Variants in LIPE observed in about 807,000 individuals in gnomAD.
LIPE encodes lipase E, hormone sensitive type, also known as hormone-sensitive lipase.
A neutral mutation model predicts 88.5 loss-of-function variants in LIPE; 66 were observed. The observed-to-expected ratio is 0.75, with a 90% CI of 0.61 to 0.91. The LOEUF (loss-of-function observed/expected upper bound fraction) is 0.91, where lower values mean the gene tolerates loss of function less well. Among genes scored for constraint, LIPE ranks in the 40% least tolerant of loss-of-function variants. The probability of loss-of-function intolerance (pLI) is 0.00; values close to 1 mark genes in which losing one functional copy is unlikely to be tolerated. For missense variants in LIPE, 1,346 were observed against 1,434.7 expected, an observed-to-expected ratio of 0.94 and a Z score of 1.00; for synonymous variants, 570 against 617.5, an observed-to-expected ratio of 0.92 and a Z score of 1.14.
Position 42,407,482 on chromosome 19 carries a change from G to C in LIPE, c.1843-14C>G, listed in dbSNP as rs1176472242. 8.7e-6 allele frequency: 14 copies of C among 1,603,012 alleles called. No individual in the cohort carries two copies. The highest frequency in any genetic ancestry group is 1.2e-5 in the Non-Finnish European group (14 of 1,172,446). On this transcript the variant is annotated splice_polypyrimidine_tract_variant and intron_variant, in intron 5 of 9. Transcript: ENST00000244289. The surrounding 1 kb of genome is among the most constrained non-coding windows in gnomAD (Gnocchi z 5.8). ...CTCCTCACTGTCCTGGGGGTGAGGA[G>C]GGAGACGGTGTGTGAGGTTGGGGAG...
At chr19:42,412,232 C>G in intron 1 of LIPE, 1 of 978,114 alleles carries the variant, frequency 1.0e-6, no homozygotes, top group African/African-American at 1.7e-5. Context: ...GGAATGCTAC[C>G]ATCTGCTCCA....
chr19:42,423,664 C>T, intron 1 of LIPE: 1 of 1,161,930 alleles, frequency 8.6e-7, no homozygotes, highest in African/African-American at 1.7e-5. Context: ...TTCTCTGGGT[C>T]CAGCTCCCTA....
Position 42,426,777 on chromosome 19 carries a change from T to C in LIPE, c.373A>G (p.Thr125Ala). 6.2e-7 allele frequency: 1 copy of C among 1,613,888 alleles called. No homozygotes were observed. Among genetic ancestry groups the C allele is most frequent in the Non-Finnish European group, 8.5e-7 (1 of 1,179,940 alleles). ...TGTCTCAATGCTGGCTCCTGTTGAGTTATAGATTCTTTTCCTAGCCCAGGT... is the reference window on the plus strand; with the variant it reads ...TGTCTCAATGCTGGCTCCTGTTGAGCTATAGATTCTTTTCCTAGCCCAGGT... ...QGPGLGKESI[T>A]QQEPALRQRH... The change falls in exon 1 of 10, where the codon ACT becomes GCT. Residue 125 changes from threonine (T) to alanine (A), a missense_variant. Physicochemically the swap from Thr to Ala is moderately conservative, Grantham distance 58. Coordinates refer to ENST00000244289, the MANE Select transcript of LIPE (RefSeq NM_005357.4).
intron 1 of LIPE, chr19:42,423,836 G>A: frequency 2.7e-6 from 3 of 1,107,834 alleles, no homozygotes; most frequent in Non-Finnish European, 3.3e-6. Flanking sequence ...GCGGAGCCCC[G>A]CGGGGAGCAC....
intron 1 of LIPE, among the ~76,000 whole-genome samples, chr19:42,418,728 T>C (rs932349029): frequency 6.6e-6 from 1 of 152,208 alleles, no homozygotes; most frequent in African/African-American, 2.4e-5. Context: ...TACAGGATAG[T>C]GTAAACATAA....
intron 7 of LIPE, 115 bp from the exon 8 acceptor site, chr19:42,405,676 A>C: frequency 9.6e-7 from 1 of 1,046,356 alleles, no homozygotes; most frequent in Non-Finnish European, 1.4e-6. Flanking sequence ...ATCGCTTCAA[A>C]AGGGATAAGG....
chr19:42,405,976 T>TCTCTCTCACA (rs1367305518), intron 7 of LIPE, 185 bp downstream of exon 7: 1 of 370,218 alleles, frequency 2.7e-6, no homozygotes, highest in African/African-American at 2.3e-5. Context: ...TCTCTCTCTC[T>TCTCTCTCACA]CACACACACA....
intron 1 of LIPE, chr19:42,423,672 C>G: frequency 8.7e-7 from 1 of 1,151,766 alleles, no homozygotes; most frequent in South Asian, 1.7e-5. Flanking sequence ...GTCCAGCTCC[C>G]TAACCAATTC....
In LIPE at chr19:42,408,007, A is replaced by G; in HGVS notation, c.1625T>C (p.Phe542Ser). 3 of 1,613,434 alleles carry G rather than the reference A, an allele frequency of 1.9e-6. No homozygotes were observed. Among genetic ancestry groups the G allele is most frequent in the Non-Finnish European group, 1.7e-6 (2 of 1,179,752 alleles). ...QNLDVHFWKAFWNITEMEVLS... is the reference protein window; with the variant it reads ...QNLDVHFWKASWNITEMEVLS... The stretch of plus-strand genomic sequence containing the variant: ...CACTTCCATCTCGGTGATGTTCCAG[A>G]AGGCTTTCCAGAAGTGCACGTCCAG... The change falls in exon 4 of 10, where the codon TTC becomes TCC. Residue 542 changes from phenylalanine (F) to serine (S), a missense_variant. By Grantham distance (155) the Phe-to-Ser change is radical (BLOSUM62 -2). Coordinates refer to ENST00000244289, the MANE Select transcript of LIPE (RefSeq NM_005357.4). The surrounding 1 kb of genome is among the most constrained non-coding windows in gnomAD (Gnocchi z 4.3).
In LIPE at chr19:42,408,310, T is replaced by A; in HGVS notation, c.1432A>T (p.Ile478Phe). 1 of 1,614,012 alleles carries A rather than the reference T, an allele frequency of 6.2e-7. No homozygotes were observed. Among genetic ancestry groups the A allele is most frequent in the South Asian group, 1.1e-5 (1 of 91,082 alleles). Reference protein sequence around the residue: ...RCLGFQFTPAIRPFLQTISIG... With the variant: ...RCLGFQFTPAFRPFLQTISIG... ...GAGATGGTCTGCAGGAATGGCCGGATGGCAGGCGTGAACTGTGGAGAGACG... is the reference window on the plus strand; with the variant it reads ...GAGATGGTCTGCAGGAATGGCCGGAAGGCAGGCGTGAACTGTGGAGAGACG... Residue 478 changes from isoleucine to phenylalanine, a missense_variant, in exon 3 of 10, where the codon ATC (isoleucine) becomes TTC (phenylalanine). Physicochemically the swap from Ile to Phe is conservative, Grantham distance 21. Transcript: ENST00000244289. The surrounding 1 kb of genome is among the most constrained non-coding windows in gnomAD (Gnocchi z 4.3).
chr19:42,405,890 G>A (rs1189115009), intron 7 of LIPE: 12 of 547,326 alleles, frequency 2.2e-5, no homozygotes, highest in African/African-American at 3.8e-5. Flanking sequence ...AGCCTGGGAG[G>A]TCAAGGCTGC....
rs774783254 is a variant in LIPE, at chr19:42,402,082, G to A, written c.2968-7C>T. 65 of 1,471,914 alleles carry A rather than the reference G, an allele frequency of 4.4e-5. No individual in the cohort carries two copies. In the South Asian group the frequency reaches 7.6e-4, roughly 17 times the overall value. The allele number at this position is 1,471,914 out of a possible 1,614,324, so 91.2% of individuals were successfully genotyped here. A position where few individuals can be genotyped will look rare whatever the true frequency, so the allele number is the denominator to read the frequency against. ...TGGGGTCCAGCGCGCACGCCTACGG[G>A]ACAGCGGGGAGGGACGTGGAGAGAG... On this transcript the variant is annotated splice_region_variant and splice_polypyrimidine_tract_variant and intron_variant, in intron 9 of 9. Transcript: ENST00000244289.
Position 42,410,502 on chromosome 19 carries a change from G to A in LIPE, c.1224C>T (p.Asn408=), listed in dbSNP as rs1164564294. The A allele has an allele frequency of 5.0e-6, 8 of 1,613,544 alleles. No homozygotes were observed. The African/African-American group carries it at 1.1e-4, about 22-fold the overall frequency. The change falls in exon 2 of 10, where the codon AAC becomes AAT. Residue 408 remains asparagine, a synonymous_variant. Transcript: ENST00000244289. This position sits in a 1 kb window ranked among gnomAD's most constrained non-coding sequence, Gnocchi z 6.1. Reference sequence around the variant, plus strand: ...CCAGGTAGGCCTCCAGCTCGGCCAGGTTGTGGCTGGTGCGGAAGAAGATGC... The same window carrying A: ...CCAGGTAGGCCTCCAGCTCGGCCAGATTGTGGCTGGTGCGGAAGAAGATGC... The part of the protein sequence containing the change: ...RRSIFFRTSH[N]LAELEAYLAA...
intron 1 of LIPE, among the ~76,000 whole-genome samples, chr19:42,417,654 GGAT>G (rs2040515476): frequency 6.6e-6 from 1 of 151,956 alleles, no homozygotes; most frequent in African/African-American, 2.4e-5. Context: ...TGAATAGCTG[GGAT>G]TACAGGCATG....
intron 1 of LIPE, among the ~76,000 whole-genome samples, chr19:42,422,507 G>T (rs139811183): frequency 7.0e-4 from 106 of 152,302 alleles, no homozygotes; most frequent in African/African-American, 2.4e-3. Context: ...GCCAACTCCA[G>T]GTCTATTCTG....
chr19:42,412,265 G>C, intron 1 of LIPE: 1 of 985,508 alleles, frequency 1.0e-6, no homozygotes, highest in Non-Finnish European at 1.2e-6. Flanking sequence ...CCAAAGCCCA[G>C]CACCTTGCCT....
At chr19:42,415,427 C>T (rs1440470368) in intron 1 of LIPE, among the ~76,000 whole-genome samples, 1 of 152,192 alleles carries the variant, frequency 6.6e-6, no homozygotes. Flanking sequence ...TAGGCCTCTT[C>T]TGCCAGTTAG....
chr19:42,408,111 G>C lies in LIPE; in HGVS notation c.1521C>G (p.Ala507=). ...KRNETGLSVA[A]SSLFTSGRFA... is the part of the protein sequence containing the mutation. Reference sequence around the variant, plus strand: ...AGCGGCCGCTGGTGAAGAGAGAGCTGGCGGCCACACCTAGGGGTCAGAAGG... The same window carrying C: ...AGCGGCCGCTGGTGAAGAGAGAGCTCGCGGCCACACCTAGGGGTCAGAAGG... Residue 507 remains alanine, a synonymous_variant, in exon 4 of 10, where the codon GCC becomes GCG. Transcript: ENST00000244289. This position sits in a 1 kb window ranked among gnomAD's most constrained non-coding sequence, Gnocchi z 4.3. 1 of 1,613,880 alleles carries C rather than the reference G, an allele frequency of 6.2e-7. No homozygotes were observed. Among genetic ancestry groups the C allele is most frequent in the Non-Finnish European group, 8.5e-7 (1 of 1,179,932 alleles).
chr19:42,405,721 G>T, intron 7 of LIPE, 160 bp from the exon 8 acceptor site: 2 of 688,752 alleles, frequency 2.9e-6, no homozygotes, highest in South Asian at 2.0e-5. Flanking sequence ...TGTAGTCCCA[G>T]TACTTTGGGA....
Sources: allele counts gnomAD v4.1 joint callset (sites outside exome capture counted in the v4.1 genomes callset), GRCh38; gene constraint gnomAD v4.1.1; non-coding constraint Gnocchi (gnomAD v3.1); transcripts MANE v1.5; gene names NCBI Gene and HGNC (gene_info 2026-07-23, HGNC 2026-07-21).